Variants in NBEA observed in about 807,000 individuals in gnomAD.
NBEA encodes neurobeachin.
Under a neutral mutation model 343.4 loss-of-function variants are expected in NBEA, and 44 were observed. That is an observed-to-expected ratio of 0.13 (90% CI 0.10 to 0.16). The LOEUF (loss-of-function observed/expected upper bound fraction) is 0.16, where lower values mean the gene tolerates loss of function less well. Among genes scored for constraint, NBEA ranks in the 10% least tolerant of loss-of-function variants. The pLI is 1.00. For missense variants in NBEA, 2,555 were observed against 3,631.3 expected, an observed-to-expected ratio of 0.70 and a Z score of 7.62; for synonymous variants, 1,175 against 1,238.7, an observed-to-expected ratio of 0.95 and a Z score of 1.08.
chr13:35,597,974 C>T (rs773573318), intron 47 of NBEA, among the ~76,000 whole-genome samples: 2 of 152,106 alleles, frequency 1.3e-5, no homozygotes, highest in East Asian at 1.9e-4. Context: ...CACAGTCCTC[C>T]GAATCTGGTC....
At chr13:35,205,421 T>C (rs2073326064) in intron 31 of NBEA, among the ~76,000 whole-genome samples, 3 of 152,292 alleles carry the variant, frequency 2.0e-5, no homozygotes, top group South Asian at 4.1e-4. Flanking sequence ...CTGAAGTACA[T>C]GGAAGTTTCA....
At chr13:35,571,993 T>C (rs1394656523) in intron 45 of NBEA, among the ~76,000 whole-genome samples, 1 of 152,178 alleles carries the variant, frequency 6.6e-6, no homozygotes. Context: ...GACCTCTCAT[T>C]TGATTAGACA....
intron 17 of NBEA, among the ~76,000 whole-genome samples, chr13:35,131,827 T>A (rs1032932361): frequency 1.9e-4 from 29 of 151,938 alleles, no homozygotes; most frequent in African/African-American, 5.3e-4. Flanking sequence ...TCAAACAGAG[T>A]GTATTATCTG....
intron 34 of NBEA, among the ~76,000 whole-genome samples, chr13:35,280,054 G>A (rs564351572): frequency 4.6e-5 from 7 of 152,198 alleles, no homozygotes; most frequent in African/African-American, 1.4e-4. Context: ...TTTTATTTGT[G>A]TGTATCTAGC....
chr13:35,452,298 A>G, intron 40 of NBEA, 63 bp downstream of exon 40: 1 of 1,249,732 alleles, frequency 8.0e-7, no homozygotes, highest in Non-Finnish European at 1.1e-6. Flanking sequence ...TGAATTCAAA[A>G]TCTGTCTCCT....
intron 8 of NBEA, among the ~76,000 whole-genome samples, chr13:35,066,646 T>A (rs1365864323): frequency 1.3e-5 from 2 of 152,112 alleles, no homozygotes; most frequent in Non-Finnish European, 1.5e-5. Flanking sequence ...TTTCCCATTT[T>A]ATTTACTTTA....
At chr13:35,057,435 G>GT (rs1244794146) in intron 7 of NBEA, among the ~76,000 whole-genome samples, 4 of 152,080 alleles carry the variant, frequency 2.6e-5, no homozygotes, top group South Asian at 4.1e-4. Flanking sequence ...AAAGGTTTTT[G>GT]TTTTTTTGTT....
intron 1 of NBEA, among the ~76,000 whole-genome samples, chr13:34,971,701 G>A (rs1490660630): frequency 6.6e-6 from 1 of 152,096 alleles, no homozygotes; most frequent in Non-Finnish European, 1.5e-5. Context: ...TGGGGATGAA[G>A]CCTACTTGAT....
At chr13:35,589,811 G>C (rs1053945587) in intron 46 of NBEA, among the ~76,000 whole-genome samples, 2 of 152,058 alleles carry the variant, frequency 1.3e-5, no homozygotes, top group African/African-American at 4.8e-5. Flanking sequence ...TCCAGTGCAG[G>C]CAAGGTGAGT....
chr13:35,617,964 C>T (rs529215904), intron 48 of NBEA, among the ~76,000 whole-genome samples: 2 of 152,050 alleles, frequency 1.3e-5, no homozygotes, highest in Non-Finnish European at 2.9e-5. Context: ...TGAATATAGG[C>T]TGTATTTTTT....
chr13:35,101,745 T>C (rs1371912489), intron 11 of NBEA, among the ~76,000 whole-genome samples: 2 of 151,810 alleles, frequency 1.3e-5, no homozygotes, highest in South Asian at 4.1e-4. Flanking sequence ...CTCTTTAGAG[T>C]GCCAATTTTC....
intron 1 of NBEA, among the ~76,000 whole-genome samples, chr13:35,029,678 A>C (rs1289104221): frequency 6.6e-6 from 1 of 151,738 alleles, no homozygotes; most frequent in African/African-American, 2.4e-5. Flanking sequence ...TTTCAAATCA[A>C]GATATTTAAA....
Position 35,144,065 on chromosome 13 carries a change from A to T in NBEA, c.2445+1688A>T, listed in dbSNP as rs531797628. On this transcript the variant is annotated intron_variant, in intron 18 of 58. Transcript: ENST00000379939. Reference sequence around the variant, plus strand: ...AAAAAGTGTATTTTGGGATGTGTTCAATTATATGAAATTCAAATTTCGGTC... The same window carrying T: ...AAAAAGTGTATTTTGGGATGTGTTCTATTATATGAAATTCAAATTTCGGTC... 4.6e-5 allele frequency among the ~76,000 whole-genome samples: 7 copies of T among 152,278 alleles called. No homozygotes were observed. The South Asian group carries it at 1.0e-3, about 23-fold the overall frequency.
chr13:35,141,063 A>G (rs1003339951), intron 17 of NBEA, among the ~76,000 whole-genome samples: 1 of 152,174 alleles, frequency 6.6e-6, no homozygotes, highest in Non-Finnish European at 1.5e-5. Context: ...TTTATTGGCT[A>G]GAACTCAGTT....
In NBEA at chr13:35,623,441, CTTCTT is replaced by C. The variant is rs547232393; in HGVS notation, c.7450-4633_7450-4629del. Among the ~76,000 whole-genome samples the C allele has an allele frequency of 2.0e-4, 31 of 152,110 alleles. No homozygotes were observed. In the East Asian group the frequency reaches 5.6e-3, roughly 28 times the overall value. On this transcript the variant is annotated intron_variant, in intron 48 of 58. Transcript: ENST00000379939. ...TAGCTTTTAAATGTGTAAACTGTAT[CTTCTT>C]TTCTTTCTGCACAGTAAGTGGCAAG... is the stretch of plus-strand genomic sequence containing the variant.
chr13:35,314,679 G>A (rs900992772), intron 36 of NBEA, among the ~76,000 whole-genome samples: 4 of 152,058 alleles, frequency 2.6e-5, no homozygotes, highest in Admixed American at 2.6e-4. Flanking sequence ...ATCTTCCTCT[G>A]ACATTGTTTC....
intron 33 of NBEA, among the ~76,000 whole-genome samples, chr13:35,223,490 A>C (rs951459117): frequency 3.3e-5 from 5 of 152,196 alleles, no homozygotes; most frequent in Non-Finnish European, 7.3e-5. Context: ...GATTCTAATG[A>C]GAATGTCATT....
intron 41 of NBEA, chr13:35,476,737 A>AG: frequency 9.4e-7 from 1 of 1,063,614 alleles, no homozygotes; most frequent in Non-Finnish European, 1.2e-6. Flanking sequence ...AGGGCCAGGC[A>AG]GGCGGGCGGC....
At position 34,946,567 on chromosome 13, in the gene NBEA, A is replaced by T. The variant is rs144011613; in HGVS notation, c.294+3453A>T. On this transcript the variant is annotated intron_variant, in intron 1 of 58. Transcript: ENST00000379939. ...GATTATAATTATGGAATTTAATTAT[A>T]GACAAATTTTTTATGAATAACTGAA... is the stretch of plus-strand genomic sequence containing the variant. Among the ~76,000 whole-genome samples, 1,124 of 152,136 alleles carry T rather than the reference A, an allele frequency of 7.4e-3. 7 individuals carry two copies. Among genetic ancestry groups the T allele is most frequent in the South Asian group, 0.033 (157 of 4,830 alleles).
Sources: allele counts gnomAD v4.1 joint callset (sites outside exome capture counted in the v4.1 genomes callset), GRCh38; gene constraint gnomAD v4.1.1; transcripts MANE v1.5; gene names NCBI Gene and HGNC (gene_info 2026-07-23, HGNC 2026-07-21).